Variants in SLC9B1 observed in about 807,000 individuals in gnomAD.
SLC9B1 encodes the protein solute carrier family 9 member B1, also known as sodium/hydrogen exchanger 9B1.
Under a neutral mutation model 51.7 loss-of-function variants are expected in SLC9B1, and 32 were observed. That is an observed-to-expected ratio of 0.62 (90% CI 0.47 to 0.83). SLC9B1 has a LOEUF of 0.83. SLC9B1 is among the 40% of genes least tolerant of loss of function. The pLI, the probability that SLC9B1 is intolerant of heterozygous loss-of-function variation, is 0.00. For missense variants in SLC9B1, 406 were observed against 613.2 expected, an observed-to-expected ratio of 0.66 and a Z score of 3.57; for synonymous variants, 145 against 212.7, an observed-to-expected ratio of 0.68 and a Z score of 2.77.
intron 1 of SLC9B1, among the ~76,000 whole-genome samples, chr4:102,997,637 T>C (rs976189635): frequency 4.6e-5 from 7 of 152,164 alleles, no homozygotes; most frequent in African/African-American, 1.7e-4. Flanking sequence ...CTAAATTTTA[T>C]GTATTTTTCT....
intron 2 of SLC9B1, 29 bp downstream of exon 2, chr4:102,991,612 CAT>C (rs1429223321): frequency 7.4e-7 from 1 of 1,357,684 alleles, no homozygotes; most frequent in Non-Finnish European, 1.0e-6. Flanking sequence ...GATTTTATAT[CAT>C]ATATTACAGT....
chr4:102,937,441 A>C (rs1736776182), intron 6 of SLC9B1, among the ~76,000 whole-genome samples: 1 of 111,000 alleles, frequency 9.0e-6, no homozygotes, highest in South Asian at 3.0e-4. Flanking sequence ...AAAAAAAAAA[A>C]CTTGGCTGGG....
downstream of SLC9B1, among the ~76,000 whole-genome samples, chr4:102,898,585 C>T (rs1372292929): frequency 6.6e-6 from 1 of 152,142 alleles, no homozygotes; most frequent in Non-Finnish European, 1.5e-5. Context: ...AATGTCACTT[C>T]TGTTTTAAGT....
In SLC9B1 at chr4:103,008,435, T is replaced by C. The variant is rs149362889; in HGVS notation, c.-2+11164A>G. Among the ~76,000 whole-genome samples the C allele has an allele frequency of 7.4e-4, 112 of 152,094 alleles. 2 individuals are homozygous for C. In the East Asian group the frequency reaches 0.021, roughly 29 times the overall value. On this transcript the variant is annotated intron_variant, in intron 1 of 11. Coordinates refer to ENST00000296422, the MANE Select transcript of SLC9B1 (RefSeq NM_139173.4). ...TTTCATTTGCTACTTTTTTTTTTTT[T>C]TTTGACAGAATCTCACCGCCCAGGA... is the stretch of plus-strand genomic sequence containing the variant.
intron 11 of SLC9B1, among the ~76,000 whole-genome samples, chr4:102,885,643 C>A (rs1410181313): frequency 6.6e-6 from 1 of 152,140 alleles, no homozygotes; most frequent in Non-Finnish European, 1.5e-5. Flanking sequence ...AAATCTAATG[C>A]CTTCGCAATG....
intron 3 of SLC9B1, among the ~76,000 whole-genome samples, chr4:102,963,888 C>A (rs998991404): frequency 1.1e-4 from 16 of 152,050 alleles, no homozygotes; most frequent in African/African-American, 3.9e-4. Flanking sequence ...AAACTTCCAT[C>A]TTAAGACTCT....
At chr4:102,957,512 G>A (rs571433898) in intron 3 of SLC9B1, among the ~76,000 whole-genome samples, 9 of 152,128 alleles carry the variant, frequency 5.9e-5, no homozygotes, top group African/African-American at 1.7e-4. Context: ...CTTATGAAGC[G>A]ACATTTCAAA....
At chr4:102,950,312 G>A (rs1191659905) in intron 3 of SLC9B1, among the ~76,000 whole-genome samples, 1 of 152,184 alleles carries the variant, frequency 6.6e-6, no homozygotes, top group East Asian at 1.9e-4. Flanking sequence ...AAGTATCTTA[G>A]ATTATGTGTA....
chr4:102,932,356 A>G, intron 6 of SLC9B1, 57 bp from the exon 7 acceptor site: 1 of 1,437,470 alleles, frequency 7.0e-7, no homozygotes, highest in Non-Finnish European at 9.6e-7. Flanking sequence ...GTAGTGTTTT[A>G]TAAGTACAAG....
At chr4:102,938,107 A>G (rs2110465207) in intron 6 of SLC9B1, among the ~76,000 whole-genome samples, 1 of 152,274 alleles carries the variant, frequency 6.6e-6, no homozygotes, top group African/African-American at 2.4e-5. Context: ...GCAAAGCCCA[A>G]CTGTATCTGC....
intron 11 of SLC9B1, among the ~76,000 whole-genome samples, chr4:102,895,646 A>G (rs1162569374): frequency 6.6e-6 from 1 of 152,194 alleles, no homozygotes; most frequent in Non-Finnish European, 1.5e-5. Flanking sequence ...AATAAAACAG[A>G]TTTGATAACA....
At chr4:102,978,069 TG>T (rs1739167061) in intron 3 of SLC9B1, among the ~76,000 whole-genome samples, 1 of 152,190 alleles carries the variant, frequency 6.6e-6, no homozygotes, top group Non-Finnish European at 1.5e-5. Flanking sequence ...TTTGGTTTTT[TG>T]TCCTTGCGAT....
intron 1 of SLC9B1, among the ~76,000 whole-genome samples, chr4:102,996,958 T>TC (rs1740257224): frequency 6.6e-6 from 1 of 151,598 alleles, no homozygotes; most frequent in African/African-American, 2.4e-5. Flanking sequence ...AGCAATTTTT[T>TC]TTTTTTTAAA....
chr4:103,012,426 A>T (rs140489730), intron 1 of SLC9B1, among the ~76,000 whole-genome samples: 3 of 152,368 alleles, frequency 2.0e-5, no homozygotes, highest in African/African-American at 7.2e-5. Context: ...ATCTCTAAGA[A>T]CATGAAGGCT....
At chr4:102,922,618 G>T (rs1735937663) in intron 7 of SLC9B1, among the ~76,000 whole-genome samples, 2 of 152,108 alleles carry the variant, frequency 1.3e-5, no homozygotes, top group Admixed American at 1.3e-4. Context: ...GAATCCAGGA[G>T]CTGGTTTTTT....
At position 102,955,002 on chromosome 4, in the gene SLC9B1, T is replaced by A. The variant is rs1171324843; in HGVS notation, c.212-5575A>T. On this transcript the variant is annotated intron_variant, in intron 3 of 11. Coordinates refer to ENST00000296422, the MANE Select transcript of SLC9B1 (RefSeq NM_139173.4). ...CAGTTATCAAATTAAGAAGCATTTA[T>A]CCTTGAAAAAAGTGTTAGGGTTTTG... 2.6e-5 allele frequency among the ~76,000 whole-genome samples: 4 copies of A among 152,354 alleles called. No homozygotes were observed. The East Asian group carries it at 7.7e-4, about 29-fold the overall frequency.
intron 7 of SLC9B1, among the ~76,000 whole-genome samples, chr4:102,917,708 T>A (rs541349204): frequency 6.6e-6 from 1 of 152,152 alleles, no homozygotes; most frequent in East Asian, 1.9e-4. Flanking sequence ...CAACTTAGCT[T>A]TACACCTCAA....
At chr4:102,982,443 A>T (rs77663176) in intron 3 of SLC9B1, among the ~76,000 whole-genome samples, 6,531 of 152,194 alleles carry the variant, frequency 0.043, 206 homozygotes, top group East Asian at 0.074. Context: ...CCACAAAATA[A>T]CTTTCAGGAA....
chr4:102,957,231 G>A (rs1737856042), intron 3 of SLC9B1, among the ~76,000 whole-genome samples: 1 of 152,160 alleles, frequency 6.6e-6, no homozygotes, highest in Non-Finnish European at 1.5e-5. Flanking sequence ...TCCAGGAGAA[G>A]AGAGAGATAA....
Sources: gnomAD v4.1 joint callset for allele counts (sites outside exome capture counted in the v4.1 genomes callset) on GRCh38, gnomAD v4.1.1 for gene constraint, MANE v1.5 for transcripts, NCBI Gene and HGNC (gene_info 2026-07-23, HGNC 2026-07-21) for gene names.